LRFN2: variants seen among roughly 807,000 people sequenced by gnomAD.
LRFN2 encodes leucine-rich repeat and fibronectin type-III domain-containing protein 2.
In LRFN2, 18 loss-of-function variants were observed where a neutral mutation model predicts 37.3. The observed-to-expected ratio is 0.48, with a 90% confidence interval of 0.33 to 0.72. LRFN2 has a LOEUF of 0.72. LRFN2 is among the 30% of genes least tolerant of loss of function. The probability of loss-of-function intolerance (pLI) is 0.02; values close to 1 mark genes in which losing one functional copy is unlikely to be tolerated. For missense variants in LRFN2, 1,006 were observed against 1,060.7 expected (o/e 0.95, Z 0.72); for synonymous variants, 556 against 466.6 (o/e 1.19, Z -2.47).
intron 2 of LRFN2, among the ~76,000 whole-genome samples, chr6:40,426,301 G>A (rs983065004): frequency 6.6e-5 from 10 of 152,198 alleles, no homozygotes; most frequent in African/African-American, 2.2e-4. Flanking sequence ...TCGTATCCCT[G>A]GAATGGAGTC....
intron 1 of LRFN2, among the ~76,000 whole-genome samples, chr6:40,584,432 T>A (rs180742995): frequency 1.2e-3 from 186 of 152,308 alleles, no homozygotes; most frequent in Non-Finnish European, 2.2e-3. Flanking sequence ...GACAACTCTA[T>A]CCCTTCAATA....
chr6:40,566,269 G>C (rs9471378), intron 1 of LRFN2, among the ~76,000 whole-genome samples: 97,337 of 151,938 alleles, frequency 0.64, 32,638 homozygotes, highest in African/African-American at 0.84. Flanking sequence ...AATAGGAACA[G>C]TTTTACACTG....
chr6:40,512,879 A>T (rs1201598210), intron 1 of LRFN2, among the ~76,000 whole-genome samples: 1 of 152,196 alleles, frequency 6.6e-6, no homozygotes, highest in African/African-American at 2.4e-5. Context: ...AGCCTGGGAG[A>T]TGAGAGTGAA....
intron 1 of LRFN2, among the ~76,000 whole-genome samples, chr6:40,453,688 G>A (rs1235562946): frequency 1.3e-5 from 2 of 152,144 alleles, no homozygotes; most frequent in Non-Finnish European, 2.9e-5. Flanking sequence ...AGCGTGATCA[G>A]GACTGGGTGA....
At chr6:40,583,991 T>C (rs1318340669) in intron 1 of LRFN2, among the ~76,000 whole-genome samples, 3 of 152,006 alleles carry the variant, frequency 2.0e-5, no homozygotes, top group Non-Finnish European at 4.4e-5. Flanking sequence ...GCCATAAAAA[T>C]CCAAAACAAA....
intron 1 of LRFN2, among the ~76,000 whole-genome samples, chr6:40,481,677 G>A (rs376464839): frequency 2.6e-5 from 4 of 152,234 alleles, no homozygotes; most frequent in Admixed American, 6.5e-5. Context: ...CAGACCTAAG[G>A]ATAGGGCTCG....
At chr6:40,475,006 A>C (rs1243860647) in intron 1 of LRFN2, among the ~76,000 whole-genome samples, 2 of 152,208 alleles carry the variant, frequency 1.3e-5, no homozygotes, top group African/African-American at 4.8e-5. Context: ...CTGAAGAGAC[A>C]GCCCCAGCCA....
intron 1 of LRFN2, among the ~76,000 whole-genome samples, chr6:40,495,168 T>G (rs1339870890): frequency 2.6e-5 from 4 of 152,194 alleles, no homozygotes; most frequent in African/African-American, 7.2e-5. Context: ...CCTCAAATAA[T>G]CATTTTCCCT....
At chr6:40,536,718 C>A (rs893641338) in intron 1 of LRFN2, among the ~76,000 whole-genome samples, 1 of 152,160 alleles carries the variant, frequency 6.6e-6, no homozygotes, top group Admixed American at 6.5e-5. Flanking sequence ...ACCTGAAGCC[C>A]TGCCCCTCAA....
chr6:40,573,317 G>T (rs1355312367), intron 1 of LRFN2, among the ~76,000 whole-genome samples: 1 of 152,240 alleles, frequency 6.6e-6, no homozygotes, highest in East Asian at 1.9e-4. Flanking sequence ...CAGCAGAGTG[G>T]TCAGGAGTGT....
chr6:40,475,772 T>A (rs1254730665), intron 1 of LRFN2, among the ~76,000 whole-genome samples: 1 of 152,100 alleles, frequency 6.6e-6, no homozygotes, highest in African/African-American at 2.4e-5. Flanking sequence ...AGGCTGACAA[T>A]GCTCCTGGGA....
chr6:40,402,431 C>T (rs1374981604), intron 2 of LRFN2, among the ~76,000 whole-genome samples: 2 of 152,164 alleles, frequency 1.3e-5, no homozygotes, highest in Admixed American at 6.5e-5. Flanking sequence ...TGGAGTCAGG[C>T]CAACTGTTTG....
At chr6:40,499,346 T>C (rs1236510971) in intron 1 of LRFN2, among the ~76,000 whole-genome samples, 2 of 152,146 alleles carry the variant, frequency 1.3e-5, no homozygotes, top group African/African-American at 4.8e-5. Flanking sequence ...CGGGGATTTT[T>C]GCTGAGCCAT....
At chr6:40,474,872 T>C (rs1349900976) in intron 1 of LRFN2, among the ~76,000 whole-genome samples, 3 of 152,234 alleles carry the variant, frequency 2.0e-5, no homozygotes. Flanking sequence ...TGGAGTTTGC[T>C]ATTCCATCAC....
intron 1 of LRFN2, among the ~76,000 whole-genome samples, chr6:40,469,010 C>A (rs1019276274): frequency 2.6e-5 from 4 of 151,962 alleles, no homozygotes; most frequent in African/African-American, 9.7e-5. Flanking sequence ...GTGTCCTTAT[C>A]TAAAAAAAGG....
chr6:40,516,006 C>T (rs1012712895), intron 1 of LRFN2, among the ~76,000 whole-genome samples: 9 of 152,088 alleles, frequency 5.9e-5, no homozygotes, highest in Non-Finnish European at 8.8e-5. Flanking sequence ...GATGGTTTCC[C>T]AGGGGGATTA....
At position 40,432,709 on chromosome 6, in the gene LRFN2, C is replaced by T; in HGVS notation, c.405G>A (p.Gln135=). 6.2e-7 allele frequency: 1 copy of T among 1,614,178 alleles called. No individual in the cohort carries two copies. Among genetic ancestry groups the T allele is most frequent in the Non-Finnish European group, 8.5e-7 (1 of 1,180,042 alleles). ...AAGCCTCATCTGCGATGCCGCCCAGCTGGTTGTTGTTCACGATAAGGTGCT... is the reference window on the plus strand; with the variant it reads ...AAGCCTCATCTGCGATGCCGCCCAGTTGGTTGTTGTTCACGATAAGGTGCT... ...NLQHLIVNNN[Q]LGGIADEAFE... is the part of the protein sequence containing the mutation. Residue 135 remains glutamine, a synonymous_variant, in exon 2 of 3, where the codon CAG becomes CAA. Coordinates refer to ENST00000338305, the MANE Select transcript of LRFN2 (RefSeq NM_020737.3).
intron 1 of LRFN2, among the ~76,000 whole-genome samples, chr6:40,450,602 T>C (rs1459886451): frequency 6.6e-6 from 1 of 152,208 alleles, no homozygotes; most frequent in East Asian, 1.9e-4. Context: ...GTGTCCAGCT[T>C]CATCCCGTCA....
chr6:40,434,072 T>C lies in LRFN2; in HGVS notation c.-18-941A>G, dbSNP rs548252751. ...CTGCATAGCCCTCTTCTCTGCTCTG[T>C]ATTTTCTCCTTGCAACTAATCCCTA... is the stretch of plus-strand genomic sequence containing the variant. On this transcript the variant is annotated intron_variant, in intron 1 of 2. Transcript: ENST00000338305. 3.3e-5 allele frequency among the ~76,000 whole-genome samples: 5 copies of C among 152,342 alleles called. No homozygotes were observed. The East Asian group carries it at 9.6e-4, about 29-fold the overall frequency.
Sources: allele counts gnomAD v4.1 joint callset (sites outside exome capture counted in the v4.1 genomes callset), GRCh38; gene constraint gnomAD v4.1.1; transcripts MANE v1.5; gene names NCBI Gene and HGNC (gene_info 2026-07-23, HGNC 2026-07-21).